KIAA0825: variants seen among roughly 807,000 people sequenced by gnomAD.
KIAA0825 encodes KIAA0825, also known as uncharacterized protein KIAA0825.
KIAA0825 carries 119 observed loss-of-function variants against 147.6 expected under a neutral mutation model. The observed-to-expected ratio is 0.81, with a 90% confidence interval of 0.69 to 0.94. The LOEUF (loss-of-function observed/expected upper bound fraction) is 0.94. Ranked by LOEUF, KIAA0825 falls within the 40% of genes least tolerant of loss-of-function variation. The pLI is 0.00. For synonymous variants in KIAA0825, 470 were observed against 518.1 expected (o/e 0.91, Z 1.26); for missense variants, 1,381 against 1,472.7 (o/e 0.94, Z 1.02).
intron 20 of KIAA0825, among the ~76,000 whole-genome samples, chr5:94,284,852 G>A (rs1388212763): frequency 3.3e-5 from 5 of 152,028 alleles, no homozygotes; most frequent in Non-Finnish European, 7.4e-5. Context: ...ATCTCACTTA[G>A]ATATGTAGAA....
At chr5:94,596,342 T>C (rs1217395199) in intron 1 of KIAA0825, among the ~76,000 whole-genome samples, 4 of 152,320 alleles carry the variant, frequency 2.6e-5, no homozygotes, top group African/African-American at 7.2e-5. Context: ...ATAGGGGTCA[T>C]TTCCCCATTG....
chr5:94,213,018 T>C (rs1772864581), intron 20 of KIAA0825, among the ~76,000 whole-genome samples: 1 of 152,226 alleles, frequency 6.6e-6, no homozygotes. Context: ...CATTTAATTC[T>C]ATCAATAGCT....
At position 94,151,446 on chromosome 5, in the gene KIAA0825, A is replaced by C. The variant is rs948257649; in HGVS notation, c.*2561T>G. Among the ~76,000 whole-genome samples the C allele has an allele frequency of 4.0e-5, 6 of 151,268 alleles. No individual in the cohort carries two copies. Among genetic ancestry groups the C allele is most frequent in the African/African-American group, 1.2e-4 (5 of 41,292 alleles). On this transcript the variant is annotated 3_prime_UTR_variant, in exon 21 of 21. Transcript: ENST00000682413. ...CTCAAAAAAAAAAAAAAAAAAAAAA[A>C]AAAAACATATTGAGTATAAAGTCAA... is the stretch of plus-strand genomic sequence containing the variant.
In KIAA0825 at chr5:94,384,281, T is replaced by C. The variant is rs560880666; in HGVS notation, c.3710+87A>G. On this transcript the variant is annotated intron_variant, in intron 20 of 20. Transcript: ENST00000682413. ...TTCACTTTTCCCAAAAGTATGCTAGTAAAATCTGTGTACGTGTATACACAC... is the reference window on the plus strand; with the variant it reads ...TTCACTTTTCCCAAAAGTATGCTAGCAAAATCTGTGTACGTGTATACACAC... 1.7e-4 allele frequency: 150 copies of C among 907,078 alleles called. 4 individuals carry two copies. In the South Asian group the frequency reaches 2.4e-3, roughly 14 times the overall value. 56.2% of individuals were successfully genotyped at this position (907,078 alleles called of 1,614,324 possible).
At chr5:94,184,999 T>G in intron 20 of KIAA0825, among the ~76,000 whole-genome samples, 1 of 152,212 alleles carries the variant, frequency 6.6e-6, no homozygotes, top group Non-Finnish European at 1.5e-5. Context: ...GAAGCTCTGC[T>G]TGTCTTGCCT....
intron 6 of KIAA0825, among the ~76,000 whole-genome samples, chr5:94,477,989 A>G (rs1282667273): frequency 1.3e-5 from 2 of 152,172 alleles, no homozygotes; most frequent in African/African-American, 2.4e-5. Flanking sequence ...ATTCTATGTT[A>G]TGATCTAACT....
chr5:94,501,243 G>A (rs546064615), intron 5 of KIAA0825, among the ~76,000 whole-genome samples: 8 of 152,182 alleles, frequency 5.3e-5, no homozygotes, highest in East Asian at 1.9e-4. Flanking sequence ...AAGTCACCTC[G>A]TCAGTACAAT....
Position 94,500,501 on chromosome 5 carries a change from G to A in KIAA0825, c.971-15571C>T, listed in dbSNP as rs114649708. Among the ~76,000 whole-genome samples the A allele has an allele frequency of 9.0e-3, 1,363 of 152,242 alleles. 28 individuals are homozygous for A. Among genetic ancestry groups the A allele is most frequent in the African/African-American group, 0.031 (1,307 of 41,538 alleles). ...AGAATGAATCATAGTTTCTGGGTGA[G>A]TGATTATTAGCAGCATTAACTTAGA... is the stretch of plus-strand genomic sequence containing the variant. On this transcript the variant is annotated intron_variant, in intron 5 of 20. Transcript: ENST00000682413.
intron 20 of KIAA0825, among the ~76,000 whole-genome samples, chr5:94,275,560 G>A (rs577234548): frequency 2.6e-5 from 4 of 151,990 alleles, no homozygotes; most frequent in Admixed American, 6.6e-5. Context: ...CACACAGTTC[G>A]TACTCAAAAA....
rs535157968 is a variant in KIAA0825, at chr5:94,460,098, A to G, written c.2246+2289T>C. 2.0e-5 allele frequency among the ~76,000 whole-genome samples: 3 copies of G among 152,250 alleles called. No individual in the cohort carries two copies. The South Asian group carries it at 6.2e-4, about 32-fold the overall frequency. ...AACCTGCTACACATGAACTAAAACT[A>G]AAGTCTACTCATCCAAAATGCAACA... is the stretch of plus-strand genomic sequence containing the variant. On this transcript the variant is annotated intron_variant, in intron 12 of 20. Coordinates refer to ENST00000682413, the MANE Select transcript of KIAA0825 (RefSeq NM_001145678.3).
intron 2 of KIAA0825, among the ~76,000 whole-genome samples, chr5:94,549,155 A>C (rs79947719): frequency 6.6e-6 from 1 of 152,316 alleles, no homozygotes; most frequent in African/African-American, 2.4e-5. Flanking sequence ...TTCGCTCCTC[A>C]GCACATAGAT....
chr5:94,590,846 A>C (rs963977712), intron 1 of KIAA0825, among the ~76,000 whole-genome samples: 1 of 152,230 alleles, frequency 6.6e-6, no homozygotes, highest in Non-Finnish European at 1.5e-5. Flanking sequence ...AAATAATAAT[A>C]ACCATAATAA....
intron 1 of KIAA0825, among the ~76,000 whole-genome samples, chr5:94,607,714 T>C (rs1251440739): frequency 6.6e-6 from 1 of 152,170 alleles, no homozygotes; most frequent in Non-Finnish European, 1.5e-5. Flanking sequence ...AACACAAAAT[T>C]ATTATCTTAC....
At chr5:94,394,095 G>T (rs1420656928) in intron 17 of KIAA0825, among the ~76,000 whole-genome samples, 1 of 151,720 alleles carries the variant, frequency 6.6e-6, no homozygotes, top group Non-Finnish European at 1.5e-5. Context: ...CAGGTGATCC[G>T]CCTGCCTTAG....
intron 20 of KIAA0825, among the ~76,000 whole-genome samples, chr5:94,351,513 C>T (rs1469170746): frequency 6.6e-6 from 1 of 152,138 alleles, no homozygotes; most frequent in African/African-American, 2.4e-5. Context: ...GACTATACTG[C>T]CAAAAGAAAT....
chr5:94,589,660 T>C (rs2152387367), intron 1 of KIAA0825, among the ~76,000 whole-genome samples: 1 of 152,302 alleles, frequency 6.6e-6, no homozygotes, highest in South Asian at 2.1e-4. Context: ...TTTGATTATA[T>C]CTCCTTGCAA....
At chr5:94,291,701 G>A (rs62364567) in intron 20 of KIAA0825, among the ~76,000 whole-genome samples, 2,321 of 152,190 alleles carry the variant, frequency 0.015, 29 homozygotes, top group Middle Eastern at 0.031. Context: ...ATTACTTTGG[G>A]CAGTATGGCC....
intron 20 of KIAA0825, among the ~76,000 whole-genome samples, chr5:94,257,583 A>C (rs1393826235): frequency 6.6e-6 from 1 of 152,106 alleles, no homozygotes; most frequent in Non-Finnish European, 1.5e-5. Context: ...GAGGTTAGTC[A>C]AGAGGGTTTC....
intron 5 of KIAA0825, among the ~76,000 whole-genome samples, chr5:94,495,468 T>C (rs1764245425): frequency 6.6e-6 from 1 of 152,168 alleles, no homozygotes; most frequent in African/African-American, 2.4e-5. Context: ...ACTTTTTAAT[T>C]CAATAAAGAT....
Sources: allele counts gnomAD v4.1 joint callset (sites outside exome capture counted in the v4.1 genomes callset), GRCh38; gene constraint gnomAD v4.1.1; transcripts MANE v1.5; gene names NCBI Gene and HGNC (gene_info 2026-07-23, HGNC 2026-07-21).